Variants in IL21 observed in about 807,000 individuals in gnomAD.
IL21 encodes the protein interleukin 21.
In IL21, 3 loss-of-function variants were observed where a neutral mutation model predicts 18.4. The observed-to-expected ratio is 0.16, with a 90% CI of 0.07 to 0.42. The LOEUF is 0.42. Ranked by LOEUF, IL21 falls within the 10% of genes least tolerant of loss-of-function variation. IL21 has a pLI of 0.99. For synonymous variants in IL21, 37 were observed against 62.0 expected (o/e 0.60, Z 1.90); for missense variants, 130 against 188.4 (o/e 0.69, Z 1.81).
At chr4:122,613,955 T>C (rs1328222211) in intron 3 of IL21, among the ~76,000 whole-genome samples, 1 of 152,240 alleles carries the variant, frequency 6.6e-6, no homozygotes, top group Non-Finnish European at 1.5e-5. Flanking sequence ...ATTGCTCACT[T>C]AGATTTTTAA....
rs373627139 is a variant in IL21, at chr4:122,618,792, G to A, written c.204+1909C>T. ...CTGCACTCCAGCCTAGCAACATATC[G>A]AGACTCCGTCTCAAAAAAAAAAAAA... On this transcript the variant is annotated intron_variant, in intron 2 of 4. Coordinates refer to ENST00000648588, the MANE Select transcript of IL21 (RefSeq NM_021803.4). 2.9e-4 allele frequency among the ~76,000 whole-genome samples: 32 copies of A among 112,160 alleles called. No individual in the cohort carries two copies. In the East Asian group the frequency reaches 3.9e-3, roughly 14 times the overall value. 73.6% of individuals were successfully genotyped at this position (112,160 alleles called of 152,430 possible).
intron 1 of IL21, 32 bp downstream of exon 1, chr4:122,620,812 T>C (rs373813251): frequency 6.8e-6 from 11 of 1,612,400 alleles, no homozygotes; most frequent in South Asian, 3.3e-5. Flanking sequence ...AAAAGTATGA[T>C]TTAGATTTTG....
In IL21 at chr4:122,614,278, G is replaced by A. The variant is rs1799307050; in HGVS notation, c.361-1350C>T. ...ATATGTTCAGCTCCTTTCTTTCTGA[G>A]GAAAGATTTAGAGGGATATTTTTCA... On this transcript the variant is annotated intron_variant, in intron 3 of 4. Transcript: ENST00000648588. Among the ~76,000 whole-genome samples, 3 of 151,994 alleles carry A rather than the reference G, an allele frequency of 2.0e-5. No homozygotes were observed. In the South Asian group the frequency reaches 6.2e-4, roughly 31 times the overall value.
chr4:122,618,584 A>G (rs2150688202), intron 2 of IL21, among the ~76,000 whole-genome samples: 1 of 152,188 alleles, frequency 6.6e-6, no homozygotes, highest in African/African-American at 2.4e-5. Flanking sequence ...AGGCAGGTGG[A>G]TCACGGGGTC....
rs1446034678 is a variant in IL21 at position 122,620,573 on chromosome 4, A to T, written c.204+128T>A. 1.4e-5 allele frequency: 11 copies of T among 767,522 alleles called. No individual in the cohort carries two copies. In the East Asian group the frequency reaches 3.0e-4, roughly 21 times the overall value. 47.5% of individuals were successfully genotyped at this position (767,522 alleles called of 1,614,324 possible). A position where few individuals can be genotyped will look rare whatever the true frequency, so the allele number is the denominator to read the frequency against. On this transcript the variant is annotated intron_variant, in intron 2 of 4. Transcript: ENST00000648588. ...TAACCAAAATATAAATAAATATTTC[A>T]TCAATTATTAGACCGCTAAGTTCAT... is the stretch of plus-strand genomic sequence containing the variant.
chr4:122,620,759 CTGAGT>C (rs1234054423), intron 1 of IL21, 23 bp from the exon 2 acceptor site: 1 of 1,613,232 alleles, frequency 6.2e-7, no homozygotes, highest in African/African-American at 1.3e-5. Flanking sequence ...AAAATTTGTT[CTGAGT>C]TATTTTTATA....
In IL21 at chr4:122,620,229, C is replaced by T. The variant is rs79954539; in HGVS notation, c.204+472G>A. 596 of 153,974 alleles carry T rather than the reference C, an allele frequency of 3.9e-3. 8 individuals carry two copies. Among genetic ancestry groups the T allele is most frequent in the Non-Finnish European group, 2.5e-3 (170 of 69,258 alleles). The allele number at this position is 153,974 out of a possible 1,614,324, so 9.5% of individuals were successfully genotyped here. Reference sequence around the variant, plus strand: ...CCACACCACCATTTCTCCATGCTGTCCCTGTAATCTAATTCTTTCTTTCTT... The same window carrying T: ...CCACACCACCATTTCTCCATGCTGTTCCTGTAATCTAATTCTTTCTTTCTT... On this transcript the variant is annotated intron_variant, in intron 2 of 4. Transcript: ENST00000648588.
At chr4:122,618,512 C>T (rs986186201) in intron 2 of IL21, among the ~76,000 whole-genome samples, 1 of 152,106 alleles carries the variant, frequency 6.6e-6, no homozygotes, top group Admixed American at 6.6e-5. Flanking sequence ...TTGGGCAAGA[C>T]TACCTTTGTC....
intron 3 of IL21, among the ~76,000 whole-genome samples, chr4:122,615,243 C>T (rs923862629): frequency 2.0e-5 from 3 of 152,112 alleles, no homozygotes; most frequent in African/African-American, 4.8e-5. Flanking sequence ...ACGTATAGGC[C>T]GGGTGCGGTG....
intron 2 of IL21, chr4:122,620,132 C>G (rs1243348200): frequency 1.3e-5 from 2 of 152,258 alleles, no homozygotes; most frequent in Non-Finnish European, 2.9e-5. Context: ...AAAGACCTCA[C>G]GGAAGGCCAA....
At chr4:122,613,334 A>G (rs1043955245) in intron 3 of IL21, among the ~76,000 whole-genome samples, 10 of 148,106 alleles carry the variant, frequency 6.8e-5, no homozygotes, top group Non-Finnish European at 1.5e-4. Flanking sequence ...TTGGACCCAA[A>G]GGTTGCATCT....
In IL21 at chr4:122,610,940, C is replaced by T. The variant is rs904338976; in HGVS notation, c.*1770G>A. 1.3e-5 allele frequency among the ~76,000 whole-genome samples: 2 copies of T among 152,144 alleles called. No homozygotes were observed. On this transcript the variant is annotated 3_prime_UTR_variant, in exon 5 of 5. Coordinates refer to ENST00000648588, the MANE Select transcript of IL21 (RefSeq NM_021803.4). Reference sequence around the variant, plus strand: ...TGTTTAATGAAGGCTCTTAGCCAAACCCTCACTGAGTTATTTTTACTTTTA... The same window carrying T: ...TGTTTAATGAAGGCTCTTAGCCAAATCCTCACTGAGTTATTTTTACTTTTA...
At chr4:122,613,469 A>G (rs1404061753) in intron 3 of IL21, among the ~76,000 whole-genome samples, 2 of 146,816 alleles carry the variant, frequency 1.4e-5, no homozygotes, top group African/African-American at 5.0e-5. Context: ...ATCCTGCCTT[A>G]GCCTCCCAAG....
intron 2 of IL21, chr4:122,619,127 T>A (rs940810754): frequency 6.6e-6 from 1 of 152,230 alleles, no homozygotes; most frequent in Admixed American, 6.5e-5. Context: ...AAAAGAAAGA[T>A]GCCTGGCTAG....
chr4:122,615,901 C>T, intron 2 of IL21, 64 bp from the exon 3 acceptor site: 1 of 1,359,668 alleles, frequency 7.4e-7, no homozygotes, highest in Non-Finnish European at 1.0e-6. Context: ...AGATAGCTTT[C>T]CCAATCCTCT....
In IL21 at chr4:122,612,619, T is replaced by A; in HGVS notation, c.*91A>T. On this transcript the variant is annotated 3_prime_UTR_variant, in exon 5 of 5. Coordinates refer to ENST00000648588, the MANE Select transcript of IL21 (RefSeq NM_021803.4). ...ATGAGTTTTTTTTTCCCATCGCTAA[T>A]ATATTGTACTCCTCCACTTGGAATA... 1.1e-6 allele frequency: 1 copy of A among 925,238 alleles called. No individual in the cohort carries two copies. Among genetic ancestry groups the A allele is most frequent in the South Asian group, 1.4e-5 (1 of 71,774 alleles). The allele number at this position is 925,238 out of a possible 1,614,324, so 57.3% of individuals were successfully genotyped here.
In IL21 at chr4:122,621,060, G is replaced by T. The variant is rs1331215890; in HGVS notation, c.-49C>A. 1.9e-6 allele frequency: 3 copies of T among 1,550,224 alleles called. No individual in the cohort carries two copies. Among genetic ancestry groups the T allele is most frequent in the Admixed American group, 3.5e-5 (2 of 57,944 alleles). Reference sequence around the variant, plus strand: ...CTTGGTCTCGTTTTCACTTCAGCTTGACTGAGAACAGGTTGTCAGTTAAGC... The same window carrying T: ...CTTGGTCTCGTTTTCACTTCAGCTTTACTGAGAACAGGTTGTCAGTTAAGC... On this transcript the variant is annotated 5_prime_UTR_variant, in exon 1 of 5. Transcript: ENST00000648588.
rs1373128941 is a variant in IL21 at position 122,610,209 on chromosome 4, C to T, written c.*2501G>A. On this transcript the variant is annotated 3_prime_UTR_variant, in exon 5 of 5. Transcript: ENST00000648588. ...TAATAAATAATTATTAAGTTATAAA[C>T]TACATAGTTCATATTAGCTAAATTC... Among the ~76,000 whole-genome samples, 2 of 151,984 alleles carry T rather than the reference C, an allele frequency of 1.3e-5. No homozygotes were observed. Among genetic ancestry groups the T allele is most frequent in the African/African-American group, 4.8e-5 (2 of 41,386 alleles).
chr4:122,615,151 C>G (rs1172064168), intron 3 of IL21, among the ~76,000 whole-genome samples: 3 of 152,202 alleles, frequency 2.0e-5, no homozygotes, highest in African/African-American at 7.2e-5. Context: ...CTGCCAAGGA[C>G]TACTAGGAAA....
Sources: allele counts gnomAD v4.1 joint callset (sites outside exome capture counted in the v4.1 genomes callset), GRCh38; gene constraint gnomAD v4.1.1; transcripts MANE v1.5; gene names NCBI Gene and HGNC (gene_info 2026-07-23, HGNC 2026-07-21).